GPBP1: variants seen among roughly 807,000 people sequenced by gnomAD.
The protein encoded by GPBP1 is GC-rich promoter binding protein 1.
Under a neutral mutation model 56.5 loss-of-function variants are expected in GPBP1, and 13 were observed. That is an observed-to-expected ratio of 0.23 (90% confidence interval 0.15 to 0.37). The LOEUF (loss-of-function observed/expected upper bound fraction) is 0.37. Ranked by LOEUF, GPBP1 falls within the 10% of genes least tolerant of loss-of-function variation. The pLI is 1.00. For missense variants in GPBP1, 477 were observed against 572.3 expected, an observed-to-expected ratio of 0.83 and a Z score of 1.70; for synonymous variants, 204 against 188.9, an observed-to-expected ratio of 1.08 and a Z score of -0.66.
At chr5:57,227,945 C>A (rs116101275) in intron 3 of GPBP1, among the ~76,000 whole-genome samples, 1,747 of 152,174 alleles carry the variant, frequency 0.011, 30 homozygotes, top group African/African-American at 0.04. Flanking sequence ...TGAACAGTAA[C>A]TGTCCGTATA....
chr5:57,207,258 C>T (rs1178978590), intron 2 of GPBP1, among the ~76,000 whole-genome samples: 2 of 152,162 alleles, frequency 1.3e-5, no homozygotes, highest in African/African-American at 2.4e-5. Flanking sequence ...ATGTTTAGGG[C>T]CCCTCGCACT....
intron 2 of GPBP1, among the ~76,000 whole-genome samples, chr5:57,185,913 G>C (rs1222752048): frequency 6.6e-6 from 1 of 151,738 alleles, no homozygotes; most frequent in Non-Finnish European, 1.5e-5. Context: ...GAGCCCAGGA[G>C]GTAGAGGTTG....
chr5:57,178,985 C>A (rs1309798254), intron 2 of GPBP1, among the ~76,000 whole-genome samples: 2 of 151,768 alleles, frequency 1.3e-5, no homozygotes, highest in African/African-American at 4.8e-5. Context: ...ATTCTTAATC[C>A]CGTGAGGAAA....
chr5:57,205,701 C>G (rs1340036201), intron 2 of GPBP1, among the ~76,000 whole-genome samples: 2 of 151,334 alleles, frequency 1.3e-5, no homozygotes, highest in African/African-American at 2.4e-5. Context: ...TGGTTATTGG[C>G]CAGTTGTTTA....
chr5:57,255,672 A>G (rs949535847), intron 10 of GPBP1, among the ~76,000 whole-genome samples: 1 of 152,244 alleles, frequency 6.6e-6, no homozygotes, highest in Non-Finnish European at 1.5e-5. Context: ...TTGTCACCTA[A>G]TATCTTGTCT....
intron 3 of GPBP1, 136 bp from the exon 4 acceptor site, chr5:57,230,710 A>G (rs771128570): frequency 1.7e-5 from 13 of 762,048 alleles, no homozygotes; most frequent in East Asian, 1.6e-4. Flanking sequence ...CCAGTTATCA[A>G]ATACCTTGAA....
intron 6 of GPBP1, among the ~76,000 whole-genome samples, chr5:57,242,625 C>T (rs1376126147): frequency 6.6e-6 from 1 of 152,086 alleles, no homozygotes; most frequent in Non-Finnish European, 1.5e-5. Flanking sequence ...TTAAATTTTT[C>T]ATGGAGATGA....
intron 10 of GPBP1, among the ~76,000 whole-genome samples, chr5:57,255,281 A>G (rs1039669131): frequency 3.7e-4 from 56 of 151,638 alleles, no homozygotes; most frequent in African/African-American, 1.3e-3. Flanking sequence ...CTTATTCCAA[A>G]TAATGCTGTT....
chr5:57,244,059 T>C (rs1740966656), intron 6 of GPBP1, among the ~76,000 whole-genome samples: 1 of 152,194 alleles, frequency 6.6e-6, no homozygotes, highest in African/African-American at 2.4e-5. Context: ...GCTTTCCACA[T>C]TGGATCATTT....
chr5:57,231,264 T>C lies in GPBP1; in HGVS notation c.354T>C (p.Asn118=), dbSNP rs568587044. ...QGLHENNIPD[N]ETGRKEDKRE... ...TACATGAAAACAACATACCTGACAA[T>C]GAAACCGGGAGGAAAGAAGACAAGA... is the stretch of plus-strand genomic sequence containing the variant. Residue 118 remains asparagine, a synonymous_variant, in exon 5 of 12, where the codon AAT becomes AAC. Transcript: ENST00000506184. 1 of 1,613,928 alleles carries C rather than the reference T, an allele frequency of 6.2e-7. No homozygotes were observed. The highest frequency in any genetic ancestry group is 8.5e-7 in the Non-Finnish European group (1 of 1,179,988).
chr5:57,228,228 G>A (rs1422737466), intron 3 of GPBP1, among the ~76,000 whole-genome samples: 2 of 152,122 alleles, frequency 1.3e-5, no homozygotes, highest in African/African-American at 2.4e-5. Flanking sequence ...AGCCCAAGGC[G>A]GGCAGATCAC....
rs879944106 is a variant in GPBP1 at position 57,256,325 on chromosome 5, A to G, written c.1161-4855A>G. Among the ~76,000 whole-genome samples the G allele has an allele frequency of 2.4e-3, 370 of 152,174 alleles. 2 individuals are homozygous for G. The highest frequency in any genetic ancestry group is 3.8e-3 in the Non-Finnish European group (261 of 67,984). On this transcript the variant is annotated intron_variant, in intron 10 of 11. Transcript: ENST00000506184. ...GCTCTAGAGGGAGGGGGAAAAAAAA[A>G]CACCCCATACTGCATGAAGAGATAG...
intron 2 of GPBP1, among the ~76,000 whole-genome samples, chr5:57,209,382 C>T (rs1285278528): frequency 6.6e-6 from 1 of 152,174 alleles, no homozygotes; most frequent in Non-Finnish European, 1.5e-5. Flanking sequence ...CACTCTACAG[C>T]CTCAAACTGT....
chr5:57,246,121 T>C (rs1205443522), intron 6 of GPBP1, 179 bp from the exon 7 acceptor site: 4 of 487,908 alleles, frequency 8.2e-6, no homozygotes, highest in Non-Finnish European at 1.1e-5. Context: ...GATAATGTTT[T>C]AGCTTTACTT....
chr5:57,181,015 A>G (rs919938798), intron 2 of GPBP1, among the ~76,000 whole-genome samples: 2 of 152,198 alleles, frequency 1.3e-5, no homozygotes, highest in African/African-American at 2.4e-5. Flanking sequence ...ATATGGCTTT[A>G]AAATATAGTT....
chr5:57,255,530 A>G (rs1469081260), intron 10 of GPBP1, among the ~76,000 whole-genome samples: 1 of 152,266 alleles, frequency 6.6e-6, no homozygotes, highest in Non-Finnish European at 1.5e-5. Context: ...AAACACAAAC[A>G]TATCAGATAT....
intron 2 of GPBP1, among the ~76,000 whole-genome samples, chr5:57,199,714 C>T (rs1754916267): frequency 6.6e-6 from 1 of 152,116 alleles, no homozygotes; most frequent in African/African-American, 2.4e-5. Context: ...TTTCTGAAAG[C>T]ATACTTCCAG....
At chr5:57,177,084 A>G (rs970561133) in intron 2 of GPBP1, among the ~76,000 whole-genome samples, 2 of 152,220 alleles carry the variant, frequency 1.3e-5, no homozygotes, top group Non-Finnish European at 2.9e-5. Flanking sequence ...AAGCTGAATT[A>G]AGAACCTTTA....
Position 57,214,779 on chromosome 5 carries a change from CTGAG to C in GPBP1, c.63+588_63+591del, listed in dbSNP as rs571648411. ...CAAGCGATTCTTCTGCCTCATTCTC[CTGAG>C]TATTTGGGATTACAGGTGTGGGTCA... On this transcript the variant is annotated intron_variant, in intron 3 of 11. Coordinates refer to ENST00000506184, the MANE Select transcript of GPBP1 (RefSeq NM_022913.4). Among the ~76,000 whole-genome samples the C allele has an allele frequency of 8.2e-3, 1,242 of 152,148 alleles. 6 individuals are homozygous for C. The highest frequency in any genetic ancestry group is 0.013 in the Non-Finnish European group (860 of 68,004).
Sources: allele counts gnomAD v4.1 joint callset (sites outside exome capture counted in the v4.1 genomes callset), GRCh38; gene constraint gnomAD v4.1.1; transcripts MANE v1.5; gene names NCBI Gene and HGNC (gene_info 2026-07-23, HGNC 2026-07-21).